Variants in INPP4B observed in about 807,000 individuals in gnomAD.
The protein encoded by INPP4B is inositol polyphosphate 4-phosphatase type II.
In INPP4B, 55 loss-of-function variants were observed where a neutral mutation model predicts 122.5. The observed-to-expected ratio is 0.45, with a 90% confidence interval of 0.36 to 0.56. The LOEUF (loss-of-function observed/expected upper bound fraction) is 0.56, where lower values mean the gene tolerates loss of function less well. Among genes scored for constraint, INPP4B ranks in the 20% least tolerant of loss-of-function variants. The pLI, the probability that INPP4B is intolerant of heterozygous loss-of-function variation, is 0.00. For missense variants in INPP4B, 1,000 were observed against 1,097.7 expected (o/e 0.91, Z 1.26); for synonymous variants, 403 against 388.7 (o/e 1.04, Z -0.43).
chr4:142,337,754 TTATATATATTTTA>T (rs1561882280), intron 7 of INPP4B, among the ~76,000 whole-genome samples: 1,421 of 69,968 alleles, frequency 0.02, 25 homozygotes, highest in African/African-American at 0.04. Flanking sequence ...ATTATATATT[TTATATATATTTTA>T]TATATATATT....
intron 22 of INPP4B, among the ~76,000 whole-genome samples, chr4:142,112,157 C>CA (rs1262619975): frequency 3.9e-5 from 6 of 152,022 alleles, no homozygotes; most frequent in Non-Finnish European, 8.8e-5. Flanking sequence ...AAAATAAACA[C>CA]AAAAAAGAGA....
At chr4:142,695,731 A>G (rs1760932868) in intron 2 of INPP4B, among the ~76,000 whole-genome samples, 1 of 152,238 alleles carries the variant, frequency 6.6e-6, no homozygotes, top group East Asian at 1.9e-4. Context: ...ATGCTCATTA[A>G]GACAATGACA....
intron 23 of INPP4B, among the ~76,000 whole-genome samples, chr4:142,096,749 T>C (rs1200331197): frequency 2.0e-5 from 3 of 152,072 alleles, no homozygotes; most frequent in East Asian, 3.9e-4. Flanking sequence ...TGTGTAAAAA[T>C]ATATGAACAG....
intron 2 of INPP4B, among the ~76,000 whole-genome samples, chr4:142,587,150 A>C (rs112336874): frequency 1.1e-4 from 17 of 152,168 alleles, no homozygotes; most frequent in African/African-American, 3.9e-4. Flanking sequence ...AATAGAAGTA[A>C]ACTAACCACA....
intron 2 of INPP4B, among the ~76,000 whole-genome samples, chr4:142,506,254 G>A (rs2149841443): frequency 6.6e-6 from 1 of 152,054 alleles, no homozygotes; most frequent in South Asian, 2.1e-4. Flanking sequence ...CTAAAATTGA[G>A]GACAACAAGT....
intron 3 of INPP4B, among the ~76,000 whole-genome samples, chr4:142,433,528 CA>C: frequency 6.6e-6 from 1 of 152,220 alleles, no homozygotes; most frequent in Middle Eastern, 3.4e-3. Flanking sequence ...CTGACCACTA[CA>C]ATAACAGATA....
intron 25 of INPP4B, among the ~76,000 whole-genome samples, chr4:142,056,138 TG>T (rs1246366485): frequency 6.6e-6 from 1 of 152,068 alleles, no homozygotes; most frequent in African/African-American, 2.4e-5. Context: ...AGATTGTGGC[TG>T]TAAATACAGA....
At chr4:142,251,841 G>A (rs2636656) in intron 11 of INPP4B, among the ~76,000 whole-genome samples, 115,421 of 152,172 alleles carry the variant, frequency 0.76, 45,124 homozygotes, top group East Asian at 0.93. Context: ...GTATTTGTAA[G>A]CTGCTGAAGT....
chr4:142,712,471 C>T (rs906515209), intron 2 of INPP4B, among the ~76,000 whole-genome samples: 1 of 152,194 alleles, frequency 6.6e-6, no homozygotes, highest in African/African-American at 2.4e-5. Context: ...CCATTGGGTC[C>T]TTCCTTTTAA....
intron 2 of INPP4B, among the ~76,000 whole-genome samples, chr4:142,510,799 G>A (rs1343185519): frequency 6.6e-6 from 1 of 152,130 alleles, no homozygotes; most frequent in South Asian, 2.1e-4. Flanking sequence ...AAATGCATTA[G>A]TGTATGAGAA....
intron 1 of INPP4B, among the ~76,000 whole-genome samples, chr4:142,771,152 C>T (rs1220595569): frequency 1.3e-5 from 2 of 151,998 alleles, no homozygotes; most frequent in African/African-American, 2.4e-5. Context: ...AATGCAAGGA[C>T]GAAGTTCCTA....
chr4:142,780,539 C>G (rs1298924111), intron 1 of INPP4B, among the ~76,000 whole-genome samples: 1 of 152,092 alleles, frequency 6.6e-6, no homozygotes, highest in Non-Finnish European at 1.5e-5. Flanking sequence ...TGGCTCACAC[C>G]TGTAATCCCA....
chr4:142,625,828 G>A (rs571653357), intron 2 of INPP4B, among the ~76,000 whole-genome samples: 41 of 152,028 alleles, frequency 2.7e-4, no homozygotes, highest in African/African-American at 9.2e-4. Flanking sequence ...AAATAATGCC[G>A]CATACCTACA....
At chr4:142,505,121 C>T (rs1194365161) in intron 2 of INPP4B, among the ~76,000 whole-genome samples, 1 of 151,630 alleles carries the variant, frequency 6.6e-6, no homozygotes, top group African/African-American at 2.4e-5. Context: ...TGCCTGTAGT[C>T]CCAGCTACTC....
intron 3 of INPP4B, among the ~76,000 whole-genome samples, chr4:142,442,092 C>A (rs1465016344): frequency 1.3e-5 from 2 of 151,414 alleles, no homozygotes; most frequent in Admixed American, 1.3e-4. Context: ...ATTTTTCAAC[C>A]CAACTTCAAA....
intron 3 of INPP4B, among the ~76,000 whole-genome samples, chr4:142,459,373 A>C (rs1181538916): frequency 6.6e-6 from 1 of 152,118 alleles, no homozygotes; most frequent in Non-Finnish European, 1.5e-5. Flanking sequence ...TATTTTTATA[A>C]GAATTTAATA....
At chr4:142,531,426 C>T (rs144984566) in intron 2 of INPP4B, among the ~76,000 whole-genome samples, 1 of 152,112 alleles carries the variant, frequency 6.6e-6, no homozygotes, top group African/African-American at 2.4e-5. Context: ...AGATATCAGT[C>T]AGTAGAATAA....
At chr4:142,105,867 A>T (rs1786806327) in intron 23 of INPP4B, among the ~76,000 whole-genome samples, 1 of 152,176 alleles carries the variant, frequency 6.6e-6, no homozygotes, top group African/African-American at 2.4e-5. Context: ...ATGACCCAGC[A>T]TGATAGTTCT....
At chr4:142,051,569 A>C (rs1228001591) in intron 25 of INPP4B, among the ~76,000 whole-genome samples, 1 of 152,020 alleles carries the variant, frequency 6.6e-6, no homozygotes, top group Non-Finnish European at 1.5e-5. Flanking sequence ...AAAAAGTCTT[A>C]CATATAATGT....
Sources: allele counts gnomAD v4.1 joint callset (sites outside exome capture counted in the v4.1 genomes callset), GRCh38; gene constraint gnomAD v4.1.1; transcripts MANE v1.5; gene names NCBI Gene and HGNC (gene_info 2026-07-23, HGNC 2026-07-21).